The following PKNOX2 variants were observed in gnomAD, a reference collection of about 807,000 sequenced individuals.
The protein encoded by PKNOX2 is PBX/knotted 1 homeobox 2, also known as homeobox protein PKNOX2.
In PKNOX2, 14 loss-of-function variants were observed where a neutral mutation model predicts 53.1. The ratio of observed to expected loss-of-function variants is 0.26; its 90% confidence interval spans 0.17 to 0.41. The LOEUF is 0.41. PKNOX2 is among the 10% of genes least tolerant of loss of function. PKNOX2 has a pLI of 1.00. For missense variants in PKNOX2, 496 were observed against 602.8 expected (o/e 0.82, Z 1.85); for synonymous variants, 257 against 242.8 (o/e 1.06, Z -0.54).
chr11:125,200,558 C>T (rs190943700), intron 1 of PKNOX2, among the ~76,000 whole-genome samples: 24 of 152,340 alleles, frequency 1.6e-4, no homozygotes, highest in African/African-American at 5.5e-4. Flanking sequence ...TCTCTGCCAC[C>T]GCTTGCCTGG....
chr11:125,187,945 G>C (rs1956556662), intron 1 of PKNOX2, among the ~76,000 whole-genome samples: 1 of 152,218 alleles, frequency 6.6e-6, no homozygotes, highest in Non-Finnish European at 1.5e-5. Flanking sequence ...CCACTAATCA[G>C]AAAATACCAA....
intron 1 of PKNOX2, among the ~76,000 whole-genome samples, chr11:125,225,687 G>T (rs1172731079): frequency 6.6e-6 from 1 of 152,164 alleles, no homozygotes; most frequent in Non-Finnish European, 1.5e-5. Context: ...TGGCTCTCTG[G>T]TGCCAAATAC....
At chr11:125,428,948 A>G in intron 10 of PKNOX2, 64 bp from the exon 11 acceptor site, 2 of 1,522,764 alleles carry the variant, frequency 1.3e-6, no homozygotes, top group Non-Finnish European at 1.8e-6. Flanking sequence ...GCGTGGGCAC[A>G]GTCCCTTGGG....
Position 125,370,494 on chromosome 11 carries a change from C to G in PKNOX2, c.227+2509C>G, listed in dbSNP as rs1362526248. Among the ~76,000 whole-genome samples the G allele has an allele frequency of 2.6e-5, 4 of 152,240 alleles. No homozygotes were observed. Among genetic ancestry groups the G allele is most frequent in the Admixed American group, 2.6e-4 (4 of 15,288 alleles). On this transcript the variant is annotated intron_variant, in intron 5 of 12. Coordinates refer to ENST00000298282, the MANE Select transcript of PKNOX2 (RefSeq NM_001382323.2). This position sits in a 1 kb window ranked among gnomAD's most constrained non-coding sequence, Gnocchi z 4.1. ...CTTTATCTTCTCCCACCGGGCTAAC[C>G]ACCCGCAACCCTTGGTGTTTGCCCA...
At chr11:125,213,103 C>T (rs149638886) in intron 1 of PKNOX2, among the ~76,000 whole-genome samples, 137 of 152,260 alleles carry the variant, frequency 9.0e-4, no homozygotes, top group African/African-American at 3.1e-3. Flanking sequence ...TCTGAGATGC[C>T]TTCAGCCCCC....
At chr11:125,336,715 A>T (rs1397179775) in intron 3 of PKNOX2, among the ~76,000 whole-genome samples, 1 of 147,326 alleles carries the variant, frequency 6.8e-6, no homozygotes, top group Admixed American at 6.9e-5. Flanking sequence ...AGTATATAGC[A>T]TTATATATCA....
chr11:125,259,496 T>TA (rs1944667141), intron 2 of PKNOX2, among the ~76,000 whole-genome samples: 1 of 152,220 alleles, frequency 6.6e-6, no homozygotes, highest in South Asian at 2.1e-4. Context: ...TTAGGCACCC[T>TA]AAGTACCTCT....
In PKNOX2 at chr11:125,203,710, G is replaced by A. The variant is rs562877712; in HGVS notation, c.-200-31335G>A. Among the ~76,000 whole-genome samples the A allele has an allele frequency of 4.7e-4, 71 of 152,306 alleles. 1 individual carries two copies. Among genetic ancestry groups the A allele is most frequent in the African/African-American group, 1.7e-3 (69 of 41,572 alleles). ...AGCCAGGCTGAGCCCTGGATAGGGTGGTATTCCACTAGCCAACCAGCAAAA... is the reference window on the plus strand; with the variant it reads ...AGCCAGGCTGAGCCCTGGATAGGGTAGTATTCCACTAGCCAACCAGCAAAA... On this transcript the variant is annotated intron_variant, in intron 1 of 12. Transcript: ENST00000298282.
intron 4 of PKNOX2, among the ~76,000 whole-genome samples, chr11:125,362,153 T>C (rs75741709): frequency 1.3e-5 from 2 of 152,268 alleles, no homozygotes; most frequent in East Asian, 1.9e-4. Flanking sequence ...TTCATTCTAA[T>C]TGGAGCCCCC....
At chr11:125,225,869 C>G (rs1941639765) in intron 1 of PKNOX2, among the ~76,000 whole-genome samples, 2 of 152,168 alleles carry the variant, frequency 1.3e-5, no homozygotes. Context: ...GGCTGTATTT[C>G]TTTTTTTCTC....
At chr11:125,298,966 G>C (rs528091508) in intron 2 of PKNOX2, among the ~76,000 whole-genome samples, 1 of 152,092 alleles carries the variant, frequency 6.6e-6, no homozygotes, top group Non-Finnish European at 1.5e-5. Flanking sequence ...AGTACCTAAG[G>C]CTGGGTAATT....
At chr11:125,250,700 G>A (rs1447617114) in intron 2 of PKNOX2, among the ~76,000 whole-genome samples, 1 of 152,216 alleles carries the variant, frequency 6.6e-6, no homozygotes, top group Non-Finnish European at 1.5e-5. Flanking sequence ...CGACAGAGGT[G>A]ACCTGCCAGA....
chr11:125,204,270 T>C (rs1390194999), intron 1 of PKNOX2, among the ~76,000 whole-genome samples: 1 of 151,972 alleles, frequency 6.6e-6, no homozygotes. Flanking sequence ...GGAGAAGGGG[T>C]GATTAAAGCT....
intron 1 of PKNOX2, among the ~76,000 whole-genome samples, chr11:125,203,333 C>T (rs1938667831): frequency 1.3e-5 from 2 of 152,192 alleles, no homozygotes; most frequent in Non-Finnish European, 2.9e-5. Flanking sequence ...GTCTTGAACT[C>T]CCGGGCTCAA....
At chr11:125,366,298 A>G (rs970991354) in intron 4 of PKNOX2, among the ~76,000 whole-genome samples, 1 of 152,222 alleles carries the variant, frequency 6.6e-6, no homozygotes, top group Non-Finnish European at 1.5e-5. Flanking sequence ...CTGAGATTGG[A>G]AAGGCTCCCC....
chr11:125,335,401 A>G (rs1238853550), intron 3 of PKNOX2, among the ~76,000 whole-genome samples: 1 of 152,064 alleles, frequency 6.6e-6, no homozygotes. Flanking sequence ...TGGGCCCCAC[A>G]TGTGTTCCTT....
chr11:125,185,290 G>A (rs535435885), intron 1 of PKNOX2, among the ~76,000 whole-genome samples: 22 of 152,148 alleles, frequency 1.4e-4, no homozygotes, highest in African/African-American at 4.8e-4. Context: ...TGGGCTCTCT[G>A]AGTTCAATTC....
chr11:125,272,618 G>C (rs1410270435), intron 2 of PKNOX2, among the ~76,000 whole-genome samples: 1 of 152,164 alleles, frequency 6.6e-6, no homozygotes, highest in African/African-American at 2.4e-5. Context: ...CCAGGACCTG[G>C]AGTAAGGATT....
intron 2 of PKNOX2, among the ~76,000 whole-genome samples, chr11:125,262,246 G>A (rs937965057): frequency 1.3e-5 from 2 of 152,098 alleles, no homozygotes; most frequent in Non-Finnish European, 2.9e-5. Flanking sequence ...ATGCAGCTGC[G>A]TCTCCCCTTG....
Sources: allele counts gnomAD v4.1 joint callset (sites outside exome capture counted in the v4.1 genomes callset), GRCh38; gene constraint gnomAD v4.1.1; non-coding constraint Gnocchi (gnomAD v3.1); transcripts MANE v1.5; gene names NCBI Gene and HGNC (gene_info 2026-07-23, HGNC 2026-07-21).